Variants in ERBB4 observed in about 807,000 individuals in gnomAD.
ERBB4 encodes the protein receptor tyrosine-protein kinase erbB-4.
ERBB4 carries 42 observed loss-of-function variants against 158.0 expected under a neutral mutation model. The ratio of observed to expected loss-of-function variants is 0.27; its 90% CI spans 0.21 to 0.34. The LOEUF is 0.34. Ranked by LOEUF, ERBB4 falls within the 10% of genes least tolerant of loss-of-function variation. The pLI, the probability that ERBB4 is intolerant of heterozygous loss-of-function variation, is 1.00. For missense variants in ERBB4, 1,333 were observed against 1,624.1 expected, an observed-to-expected ratio of 0.82 and a Z score of 3.08; for synonymous variants, 583 against 558.7, an observed-to-expected ratio of 1.04 and a Z score of -0.61.
intron 1 of ERBB4, among the ~76,000 whole-genome samples, chr2:212,464,102 C>A (rs912373034): frequency 6.6e-6 from 1 of 152,010 alleles, no homozygotes; most frequent in African/African-American, 2.4e-5. Context: ...ATCAGTAGAC[C>A]CATGTGGTCT....
intron 25 of ERBB4, among the ~76,000 whole-genome samples, chr2:211,394,090 T>C (rs1008945529): frequency 1.3e-5 from 2 of 152,132 alleles, no homozygotes; most frequent in Admixed American, 6.6e-5. Flanking sequence ...CCTTTTAAAA[T>C]ATTCATGGCT....
chr2:211,995,624 T>C (rs2082183001), intron 2 of ERBB4, among the ~76,000 whole-genome samples: 2 of 152,172 alleles, frequency 1.3e-5, no homozygotes, highest in African/African-American at 4.8e-5. Flanking sequence ...GCAAAAATAC[T>C]GAATTCCTAA....
chr2:212,458,430 CA>C (rs758541679), intron 1 of ERBB4, among the ~76,000 whole-genome samples: 2 of 152,008 alleles, frequency 1.3e-5, no homozygotes, highest in African/African-American at 2.4e-5. Flanking sequence ...GAAAGTGTAT[CA>C]TTTGTTAAAG....
chr2:212,390,221 T>C (rs2090813969), intron 1 of ERBB4, among the ~76,000 whole-genome samples: 1 of 151,710 alleles, frequency 6.6e-6, no homozygotes, highest in African/African-American at 2.4e-5. Context: ...AAATTTTCAC[T>C]GTTAATTGAG....
chr2:212,510,604 G>A (rs1252079443), intron 1 of ERBB4, among the ~76,000 whole-genome samples: 1 of 151,940 alleles, frequency 6.6e-6, no homozygotes, highest in African/African-American at 2.4e-5. Flanking sequence ...GAATTATCAC[G>A]CTATGAAAAT....
At chr2:211,443,916 C>T (rs1376896393) in intron 20 of ERBB4, among the ~76,000 whole-genome samples, 1 of 152,024 alleles carries the variant, frequency 6.6e-6, no homozygotes, top group African/African-American at 2.4e-5. Context: ...CCTTGCATTA[C>T]AGATGATTCT....
At chr2:211,560,689 T>C (rs577428937) in intron 20 of ERBB4, among the ~76,000 whole-genome samples, 7 of 152,332 alleles carry the variant, frequency 4.6e-5, no homozygotes, top group Non-Finnish European at 4.4e-5. Flanking sequence ...TCGGAAGTGC[T>C]ATATTTCAAA....
At chr2:212,532,758 A>G (rs1692824459) in intron 1 of ERBB4, among the ~76,000 whole-genome samples, 1 of 152,244 alleles carries the variant, frequency 6.6e-6, no homozygotes, top group Non-Finnish European at 1.5e-5. Context: ...GGCATGCACT[A>G]TTCCTATTAA....
chr2:211,506,381 T>C (rs2065750564), intron 20 of ERBB4, among the ~76,000 whole-genome samples: 1 of 152,078 alleles, frequency 6.6e-6, no homozygotes, highest in Admixed American at 6.5e-5. Flanking sequence ...GAAAACTCTG[T>C]ACCTAAACTG....
intron 1 of ERBB4, among the ~76,000 whole-genome samples, chr2:212,126,138 G>A (rs1342531134): frequency 3.9e-5 from 6 of 152,100 alleles, no homozygotes; most frequent in East Asian, 1.9e-4. Context: ...TCCTATGTGA[G>A]CACACAAGTT....
At chr2:212,478,386 T>C (rs1689514045) in intron 1 of ERBB4, among the ~76,000 whole-genome samples, 1 of 152,018 alleles carries the variant, frequency 6.6e-6, no homozygotes, top group South Asian at 2.1e-4. Flanking sequence ...CTTTCAGCTA[T>C]TTGAACTACG....
At chr2:212,144,342 C>T (rs1323587537) in intron 1 of ERBB4, among the ~76,000 whole-genome samples, 5 of 152,032 alleles carry the variant, frequency 3.3e-5, no homozygotes, top group South Asian at 2.1e-4. Flanking sequence ...TTTAGAGATC[C>T]GCTACAATAT....
chr2:211,816,036 C>T (rs558129723), intron 3 of ERBB4, among the ~76,000 whole-genome samples: 7 of 152,116 alleles, frequency 4.6e-5, no homozygotes, highest in African/African-American at 9.6e-5. Flanking sequence ...CTTTCTGACT[C>T]GGACTGAGCC....
chr2:211,412,260 T>C (rs1202525733), intron 25 of ERBB4, among the ~76,000 whole-genome samples: 1 of 152,172 alleles, frequency 6.6e-6, no homozygotes, highest in African/African-American at 2.4e-5. Context: ...TATAGAAATA[T>C]TACAAAAAGT....
chr2:212,003,093 C>G lies in ERBB4; in HGVS notation c.235-55477G>C, dbSNP rs1381005773. Among the ~76,000 whole-genome samples, 128 of 99,706 alleles carry G rather than the reference C, an allele frequency of 1.3e-3. 2 individuals are homozygous for G. Among genetic ancestry groups the G allele is most frequent in the African/African-American group, 4.0e-3 (115 of 28,510 alleles). 65.4% of individuals were successfully genotyped at this position (99,706 alleles called of 152,430 possible). A position where few individuals can be genotyped will look rare whatever the true frequency, so the allele number is the denominator to read the frequency against. Reference sequence around the variant, plus strand: ...AGAGAGAGAGAGAGAGAAAGAGAGACAGAGACAGAAAGAAAGAAAGAAGGA... The same window carrying G: ...AGAGAGAGAGAGAGAGAAAGAGAGAGAGAGACAGAAAGAAAGAAAGAAGGA... On this transcript the variant is annotated intron_variant, in intron 2 of 27. Coordinates refer to ENST00000342788, the MANE Select transcript of ERBB4 (RefSeq NM_005235.3).
rs1307506322 is a variant in ERBB4 at position 211,855,868 on chromosome 2, A to G, written c.422-67709T>C. ...AGGGTGTAAAGATTAAAAAGGAAGA[A>G]GTGAAACTATTATAATTTGCAGATA... On this transcript the variant is annotated intron_variant, in intron 3 of 27. Coordinates refer to ENST00000342788, the MANE Select transcript of ERBB4 (RefSeq NM_005235.3). Among the ~76,000 whole-genome samples, 4 of 152,346 alleles carry G rather than the reference A, an allele frequency of 2.6e-5. No homozygotes were observed. The South Asian group carries it at 8.3e-4, about 32-fold the overall frequency.
intron 1 of ERBB4, among the ~76,000 whole-genome samples, chr2:212,289,880 C>A (rs1034507184): frequency 2.6e-5 from 4 of 152,118 alleles, no homozygotes; most frequent in African/African-American, 9.7e-5. Flanking sequence ...CATTCAGATT[C>A]TCTATAGTAC....
chr2:211,886,070 C>T (rs745832810), intron 3 of ERBB4, among the ~76,000 whole-genome samples: 1 of 152,108 alleles, frequency 6.6e-6, no homozygotes, highest in Non-Finnish European at 1.5e-5. Flanking sequence ...AATTTTATTG[C>T]AAAGAGCAAT....
intron 1 of ERBB4, among the ~76,000 whole-genome samples, chr2:212,464,124 C>T (rs1314064792): frequency 6.6e-6 from 1 of 152,108 alleles, no homozygotes; most frequent in Non-Finnish European, 1.5e-5. Context: ...AAAATAATGA[C>T]TTTCCTTCTT....
Sources: allele counts gnomAD v4.1 joint callset (sites outside exome capture counted in the v4.1 genomes callset), GRCh38; gene constraint gnomAD v4.1.1; transcripts MANE v1.5; gene names NCBI Gene and HGNC (gene_info 2026-07-23, HGNC 2026-07-21).